The following ERC2 variants were observed in gnomAD, a reference collection of about 807,000 sequenced individuals.
The protein encoded by ERC2 is ELKS/RAB6-interacting/CAST family member 2.
In ERC2, 42 loss-of-function variants were observed where a neutral mutation model predicts 114.8. The observed-to-expected ratio is 0.37, with a 90% CI of 0.29 to 0.47. The LOEUF (loss-of-function observed/expected upper bound fraction) is 0.47. ERC2 is among the 20% of genes least tolerant of loss of function. The pLI is 0.99. For missense variants in ERC2, 939 were observed against 1,150.7 expected (o/e 0.82, Z 2.66); for synonymous variants, 454 against 425.5 (o/e 1.07, Z -0.82).
chr3:55,724,042 A>C (rs1475652641), intron 15 of ERC2, among the ~76,000 whole-genome samples: 1 of 152,200 alleles, frequency 6.6e-6, no homozygotes, highest in Non-Finnish European at 1.5e-5. Context: ...TTTATATGTT[A>C]AATGATGAAA....
At chr3:55,583,131 T>C (rs2057343337) in intron 17 of ERC2, among the ~76,000 whole-genome samples, 1 of 152,210 alleles carries the variant, frequency 6.6e-6, no homozygotes, top group Non-Finnish European at 1.5e-5. Context: ...TTATGCTCTG[T>C]GGACCAGCTA....
At chr3:56,450,818 G>A (rs1290596695) in intron 1 of ERC2, among the ~76,000 whole-genome samples, 2 of 152,184 alleles carry the variant, frequency 1.3e-5, no homozygotes, top group East Asian at 3.9e-4. Flanking sequence ...GTGACACAGA[G>A]AGACCTTATC....
intron 2 of ERC2, among the ~76,000 whole-genome samples, chr3:56,352,282 GA>G (rs2058584167): frequency 6.6e-6 from 1 of 152,194 alleles, no homozygotes; most frequent in Non-Finnish European, 1.5e-5. Context: ...GGGGATGGGG[GA>G]AAGTGAAAAA....
chr3:56,000,224 A>C (rs1284143765), intron 10 of ERC2, among the ~76,000 whole-genome samples: 1 of 152,094 alleles, frequency 6.6e-6, no homozygotes, highest in Non-Finnish European at 1.5e-5. Context: ...AAGATGGATA[A>C]AGGGCTTAAC....
chr3:55,512,451 G>A lies in ERC2; in HGVS notation c.*40-1175C>T, dbSNP rs530460885. On this transcript the variant is annotated intron_variant, in intron 17 of 17. Transcript: ENST00000288221. ...GTATGAAAATTGTAAGTCAGAGCAC[G>A]CTTTCTGTTTCATGAGCTGTGCATA... 4.6e-5 allele frequency among the ~76,000 whole-genome samples: 7 copies of A among 152,280 alleles called. No individual in the cohort carries two copies. In the South Asian group the frequency reaches 1.0e-3, roughly 23 times the overall value.
At chr3:55,558,091 T>C (rs1052168052) in intron 17 of ERC2, among the ~76,000 whole-genome samples, 2 of 152,240 alleles carry the variant, frequency 1.3e-5, no homozygotes, top group African/African-American at 4.8e-5. Flanking sequence ...TAACACTGAA[T>C]GAACATGAGC....
At chr3:55,872,821 C>T (rs1306293515) in intron 14 of ERC2, among the ~76,000 whole-genome samples, 1 of 152,182 alleles carries the variant, frequency 6.6e-6, no homozygotes, top group East Asian at 1.9e-4. Flanking sequence ...GCCACTAATA[C>T]ACCGGCTCAA....
intron 14 of ERC2, among the ~76,000 whole-genome samples, chr3:55,853,987 G>A (rs544780327): frequency 3.3e-5 from 5 of 152,232 alleles, no homozygotes; most frequent in Non-Finnish European, 5.9e-5. Flanking sequence ...CACAAAGCAC[G>A]AAGCAGGCCC....
intron 12 of ERC2, among the ~76,000 whole-genome samples, chr3:55,985,735 T>C (rs2070566057): frequency 6.6e-6 from 1 of 152,218 alleles, no homozygotes; most frequent in Non-Finnish European, 1.5e-5. Context: ...TCATGGATTT[T>C]ATAATCCAGA....
At chr3:56,457,140 T>G (rs555071194) in intron 1 of ERC2, among the ~76,000 whole-genome samples, 2 of 152,318 alleles carry the variant, frequency 1.3e-5, no homozygotes, top group African/African-American at 4.8e-5. Context: ...TCTAACAAAG[T>G]CAGTTTCATT....
chr3:56,114,224 T>C (rs759372314), intron 6 of ERC2, among the ~76,000 whole-genome samples: 6 of 152,318 alleles, frequency 3.9e-5, no homozygotes, highest in Middle Eastern at 3.4e-3. Flanking sequence ...AACATTTAAA[T>C]GTATTAAAAT....
intron 2 of ERC2, among the ~76,000 whole-genome samples, chr3:56,389,526 A>G (rs976737600): frequency 2.0e-5 from 3 of 152,214 alleles, no homozygotes; most frequent in Non-Finnish European, 4.4e-5. Flanking sequence ...CACCTGCAAC[A>G]GCAGGAGAGG....
At chr3:56,319,286 C>T (rs1195712015) in intron 2 of ERC2, among the ~76,000 whole-genome samples, 2 of 150,804 alleles carry the variant, frequency 1.3e-5, no homozygotes, top group Non-Finnish European at 3.0e-5. Flanking sequence ...GGTATATACA[C>T]ACAACAGAAT....
intron 14 of ERC2, among the ~76,000 whole-genome samples, chr3:55,883,443 C>T (rs929113924): frequency 2.0e-5 from 3 of 152,008 alleles, no homozygotes; most frequent in South Asian, 2.1e-4. Context: ...AAGGATAGTA[C>T]CAGAGGTCAT....
intron 3 of ERC2, among the ~76,000 whole-genome samples, chr3:56,251,162 A>G (rs1200872105): frequency 6.6e-6 from 1 of 152,216 alleles, no homozygotes; most frequent in Non-Finnish European, 1.5e-5. Flanking sequence ...AACTGCCACC[A>G]GAAACTACAG....
At chr3:56,321,202 G>A (rs2057113203) in intron 2 of ERC2, among the ~76,000 whole-genome samples, 1 of 152,064 alleles carries the variant, frequency 6.6e-6, no homozygotes, top group Admixed American at 6.5e-5. Flanking sequence ...TCATATTTTC[G>A]TGTGAAAAGA....
intron 1 of ERC2, among the ~76,000 whole-genome samples, chr3:56,437,419 T>G (rs2062073248): frequency 6.6e-6 from 1 of 152,240 alleles, no homozygotes; most frequent in Admixed American, 6.5e-5. Flanking sequence ...ACTGATGTTT[T>G]GTGGTGGACT....
At chr3:55,907,856 C>A (rs1286464216) in intron 13 of ERC2, among the ~76,000 whole-genome samples, 2 of 152,190 alleles carry the variant, frequency 1.3e-5, no homozygotes, top group South Asian at 2.1e-4. Context: ...CCTTAGTAAG[C>A]ACTTGATAAA....
At chr3:56,033,080 G>GAAAT (rs1553782573) in intron 7 of ERC2, among the ~76,000 whole-genome samples, 1 of 125,746 alleles carries the variant, frequency 8.0e-6, no homozygotes, top group Non-Finnish European at 1.8e-5. Context: ...AAGAAAGAAA[G>GAAAT]AAAGAAAAGT....
Sources: allele counts gnomAD v4.1 joint callset (sites outside exome capture counted in the v4.1 genomes callset), GRCh38; gene constraint gnomAD v4.1.1; transcripts MANE v1.5; gene names NCBI Gene and HGNC (gene_info 2026-07-23, HGNC 2026-07-21).